Variants in MTCL3 observed in about 807,000 individuals in gnomAD.
MTCL3 encodes the protein microtubule cross-linking factor 3.
chr6:127,515,068 G>T, the MTCL3 span: 1 of 1,607,234 alleles, frequency 6.2e-7, no homozygotes, highest in Non-Finnish European at 8.5e-7. The surrounding 1 kb of genome is among the most constrained non-coding windows in gnomAD (Gnocchi z 4.3). Context: ...GACAGGCCGC[G>T]TGTCAAAATC....
At chr6:127,502,187 C>T in the MTCL3 span, among the ~76,000 whole-genome samples, 1 of 152,184 alleles carries the variant, frequency 6.6e-6, no homozygotes. Flanking sequence ...TTAAATTTAG[C>T]TGTGGAGTCA....
the MTCL3 span, chr6:127,475,701 C>T: frequency 1.3e-6 from 2 of 1,584,902 alleles, no homozygotes; most frequent in East Asian, 4.5e-5. The surrounding 1 kb of genome is among the most constrained non-coding windows in gnomAD (Gnocchi z 7.3). Flanking sequence ...CGCCGATGGG[C>T]CCTTCGCGCT....
the MTCL3 span, among the ~76,000 whole-genome samples, chr6:127,511,311 A>G: frequency 5.3e-5 from 8 of 152,334 alleles, no homozygotes; most frequent in South Asian, 1.7e-3. Context: ...ACCCTAGAGA[A>G]CTAATACAGT....
chr6:127,503,386 A>T, the MTCL3 span, among the ~76,000 whole-genome samples: 4 of 152,328 alleles, frequency 2.6e-5, no homozygotes, highest in Non-Finnish European at 4.4e-5. Context: ...CTACTGAGCC[A>T]CTGCAGCCCT....
the MTCL3 span, among the ~76,000 whole-genome samples, chr6:127,481,659 C>T: frequency 6.6e-6 from 1 of 152,030 alleles, no homozygotes; most frequent in Non-Finnish European, 1.5e-5. Flanking sequence ...CAAAAGTATA[C>T]TACAGTACCA....
At chr6:127,501,093 T>C in the MTCL3 span, among the ~76,000 whole-genome samples, 1 of 152,270 alleles carries the variant, frequency 6.6e-6, no homozygotes, top group Non-Finnish European at 1.5e-5. Context: ...ATTACAGGCA[T>C]GAGCCACTGC....
chr6:127,506,577 C>T, the MTCL3 span, among the ~76,000 whole-genome samples: 1 of 151,984 alleles, frequency 6.6e-6, no homozygotes, highest in East Asian at 1.9e-4. Flanking sequence ...AATTCCCCCT[C>T]CCCCGTCTTT....
At chr6:127,478,077 C>A in the MTCL3 span, among the ~76,000 whole-genome samples, 2 of 152,088 alleles carry the variant, frequency 1.3e-5, no homozygotes, top group East Asian at 1.9e-4. Context: ...GATGAGAGAG[C>A]CTTAGCAGCA....
the MTCL3 span, among the ~76,000 whole-genome samples, chr6:127,505,758 C>A: frequency 4.6e-5 from 7 of 152,102 alleles, no homozygotes; most frequent in Non-Finnish European, 1.0e-4. Context: ...TCAGTAGGGA[C>A]CTTCAGTGGG....
the MTCL3 span, among the ~76,000 whole-genome samples, chr6:127,493,775 A>G: frequency 1.1e-4 from 17 of 152,258 alleles, no homozygotes; most frequent in African/African-American, 4.1e-4. Context: ...AACTGATACA[A>G]TGCCAAACTA....
At chr6:127,477,414 C>A in the MTCL3 span, among the ~76,000 whole-genome samples, 3 of 152,142 alleles carry the variant, frequency 2.0e-5, no homozygotes, top group Admixed American at 2.0e-4. Context: ...TCATTTCTCC[C>A]AAGGACAATT....
chr6:127,475,668 C>T, the MTCL3 span: 1 of 1,590,072 alleles, frequency 6.3e-7, no homozygotes, highest in Non-Finnish European at 8.5e-7. This position sits in a 1 kb window ranked among gnomAD's most constrained non-coding sequence, Gnocchi z 7.3. Context: ...GGATGTTGCG[C>T]ACCTCCTCCG....
the MTCL3 span, among the ~76,000 whole-genome samples, chr6:127,509,282 A>G: frequency 6.6e-6 from 1 of 152,126 alleles, no homozygotes; most frequent in African/African-American, 2.4e-5. Context: ...TCCTGCCTCT[A>G]CTCAATTCTT....
At chr6:127,515,964 A>T in the MTCL3 span, 4 of 1,602,152 alleles carry the variant, frequency 2.5e-6, no homozygotes, top group Non-Finnish European at 3.4e-6. The surrounding 1 kb of genome is among the most constrained non-coding windows in gnomAD (Gnocchi z 4.3). Flanking sequence ...AGGAGGATGG[A>T]GAAGGGGAGG....
the MTCL3 span, among the ~76,000 whole-genome samples, chr6:127,498,799 G>A: frequency 6.6e-6 from 1 of 152,130 alleles, no homozygotes; most frequent in Non-Finnish European, 1.5e-5. Flanking sequence ...CACTGGTCTA[G>A]GTGAAAGAAG....
chr6:127,476,341 G>C, the MTCL3 span: 1 of 1,614,188 alleles, frequency 6.2e-7, no homozygotes. This position sits in a 1 kb window ranked among gnomAD's most constrained non-coding sequence, Gnocchi z 4.4. Flanking sequence ...CCCATAAAAG[G>C]ATCTGTACTT....
At chr6:127,477,593 TGAG>T in the MTCL3 span, among the ~76,000 whole-genome samples, 1 of 151,992 alleles carries the variant, frequency 6.6e-6, no homozygotes, top group Non-Finnish European at 1.5e-5. Flanking sequence ...GGTGAGAAGG[TGAG>T]GAGAATAATG....
At chr6:127,481,295 T>C in the MTCL3 span, 1 of 985,156 alleles carries the variant, frequency 1.0e-6, no homozygotes, top group Non-Finnish European at 1.2e-6. Context: ...CACAACAAAA[T>C]ATTTAGAGTG....
chr6:127,508,906 C>A, the MTCL3 span, among the ~76,000 whole-genome samples: 9,805 of 152,256 alleles, frequency 0.064, 373 homozygotes, highest in East Asian at 0.11. Flanking sequence ...CAAAAACTCA[C>A]CTCTCACAGA....
Sources: allele counts gnomAD v4.1 joint callset (sites outside exome capture counted in the v4.1 genomes callset), GRCh38; gene constraint gnomAD v4.1.1; non-coding constraint Gnocchi (gnomAD v3.1); transcripts MANE v1.5; gene names NCBI Gene and HGNC (gene_info 2026-07-23, HGNC 2026-07-21).